NLGN1: variants seen among roughly 807,000 people sequenced by gnomAD.
The protein encoded by NLGN1 is neuroligin 1, also known as neuroligin-1.
Under a neutral mutation model 65.5 loss-of-function variants are expected in NLGN1, and 12 were observed. The ratio of observed to expected loss-of-function variants is 0.18; its 90% CI spans 0.12 to 0.30. NLGN1 has a LOEUF of 0.30. NLGN1 is among the 10% of genes least tolerant of loss of function. The pLI, the probability that NLGN1 is intolerant of heterozygous loss-of-function variation, is 1.00. For missense variants in NLGN1, 750 were observed against 1,007.1 expected (o/e 0.74, Z 3.46); for synonymous variants, 350 against 359.5 (o/e 0.97, Z 0.30).
At chr3:173,497,570 C>T (rs1730241752) in intron 2 of NLGN1, among the ~76,000 whole-genome samples, 1 of 151,564 alleles carries the variant, frequency 6.6e-6, no homozygotes, top group Non-Finnish European at 1.5e-5. Context: ...TTTAAGAGCA[C>T]ACTTTAAAAA....
intron 2 of NLGN1, among the ~76,000 whole-genome samples, chr3:173,453,120 G>A (rs1349713846): frequency 6.6e-6 from 1 of 151,260 alleles, no homozygotes; most frequent in Non-Finnish European, 1.5e-5. Context: ...TTTGAGAAAG[G>A]GTCTCATATT....
At chr3:173,549,540 T>C (rs897515947) in intron 2 of NLGN1, among the ~76,000 whole-genome samples, 3 of 151,992 alleles carry the variant, frequency 2.0e-5, no homozygotes, top group Non-Finnish European at 4.4e-5. Flanking sequence ...TCCATATTCC[T>C]GTGTTAATAA....
At chr3:173,845,606 G>GGATGGATAGATA (rs1553868651) in intron 4 of NLGN1, among the ~76,000 whole-genome samples, 3 of 147,044 alleles carry the variant, frequency 2.0e-5, no homozygotes, top group Admixed American at 1.4e-4. Flanking sequence ...GTAGGTGGAT[G>GGATGGATAGATA]GATAGATAGA....
rs187937976 is a variant in NLGN1, at chr3:173,956,655, C to T, written c.646+148823C>T. Reference sequence around the variant, plus strand: ...TGTATGGTTGAGTATTTCTGAAGTCCTAAATACACTTAAAGTTGTGGCTTT... The same window carrying T: ...TGTATGGTTGAGTATTTCTGAAGTCTTAAATACACTTAAAGTTGTGGCTTT... On this transcript the variant is annotated intron_variant, in intron 4 of 6. Transcript: ENST00000457714. Among the ~76,000 whole-genome samples, 5 of 152,208 alleles carry T rather than the reference C, an allele frequency of 3.3e-5. No homozygotes were observed. In the East Asian group the frequency reaches 9.7e-4, roughly 29 times the overall value.
chr3:173,885,113 C>A (rs552864738), intron 4 of NLGN1, among the ~76,000 whole-genome samples: 42 of 152,230 alleles, frequency 2.8e-4, no homozygotes, highest in African/African-American at 7.7e-4. Context: ...CCACAGAAAC[C>A]AAAATGGTAA....
At chr3:173,725,647 T>C (rs1214146029) in intron 3 of NLGN1, among the ~76,000 whole-genome samples, 1 of 152,216 alleles carries the variant, frequency 6.6e-6, no homozygotes. Flanking sequence ...AAGCGTGGCT[T>C]CTTAAAACCA....
chr3:173,633,067 G>C (rs2149550632), intron 3 of NLGN1, among the ~76,000 whole-genome samples: 1 of 152,044 alleles, frequency 6.6e-6, no homozygotes, highest in East Asian at 1.9e-4. Flanking sequence ...TCTGATAAAT[G>C]GGGGCCTAGA....
chr3:174,123,628 C>CCATTA (rs1718240977), intron 4 of NLGN1, among the ~76,000 whole-genome samples: 1 of 152,104 alleles, frequency 6.6e-6, no homozygotes, highest in South Asian at 2.1e-4. Context: ...ATTCCCGCTT[C>CCATTA]CATTACTGAA....
intron 4 of NLGN1, among the ~76,000 whole-genome samples, chr3:174,259,212 T>C (rs1010872485): frequency 3.9e-5 from 6 of 152,136 alleles, no homozygotes; most frequent in Admixed American, 3.9e-4. Context: ...CCAGACCTTA[T>C]CTTATATATT....
intron 2 of NLGN1, among the ~76,000 whole-genome samples, chr3:173,557,355 G>A (rs1455096164): frequency 4.6e-5 from 7 of 151,990 alleles, no homozygotes; most frequent in Non-Finnish European, 1.0e-4. Context: ...TATTTGAAGT[G>A]TGTCTCTTAT....
rs578003268 is a variant in NLGN1, at chr3:173,538,186, G to C, written c.-320-66093G>C. Reference sequence around the variant, plus strand: ...CTGGGAGAAACAGCACCATATATTGGATGCTGATTCAGACCGCATACAGCC... The same window carrying C: ...CTGGGAGAAACAGCACCATATATTGCATGCTGATTCAGACCGCATACAGCC... On this transcript the variant is annotated intron_variant, in intron 2 of 6. Transcript: ENST00000457714. Among the ~76,000 whole-genome samples, 5 of 152,258 alleles carry C rather than the reference G, an allele frequency of 3.3e-5. No individual in the cohort carries two copies. The East Asian group carries it at 9.7e-4, about 29-fold the overall frequency.
At chr3:173,829,144 A>G (rs184423012) in intron 4 of NLGN1, among the ~76,000 whole-genome samples, 35 of 152,134 alleles carry the variant, frequency 2.3e-4, no homozygotes, top group African/African-American at 8.0e-4. Flanking sequence ...GGAAGCAGTG[A>G]GAAGTAGTTT....
chr3:173,519,312 C>T (rs1032707001), intron 2 of NLGN1, among the ~76,000 whole-genome samples: 1 of 152,330 alleles, frequency 6.6e-6, no homozygotes, highest in East Asian at 1.9e-4. Flanking sequence ...CAGAGAGTCC[C>T]CATTGGGACA....
chr3:173,903,697 C>T (rs754025391), intron 4 of NLGN1, among the ~76,000 whole-genome samples: 9 of 152,032 alleles, frequency 5.9e-5, no homozygotes, highest in South Asian at 2.1e-4. Flanking sequence ...GGTATACCTG[C>T]GGGCAAGGAG....
intron 3 of NLGN1, among the ~76,000 whole-genome samples, chr3:173,803,211 A>G (rs1715843392): frequency 6.6e-6 from 1 of 152,222 alleles, no homozygotes; most frequent in South Asian, 2.1e-4. Flanking sequence ...AATGGTTCAA[A>G]GTAACATCCC....
intron 3 of NLGN1, among the ~76,000 whole-genome samples, chr3:173,732,722 T>C (rs1773045051): frequency 6.6e-6 from 1 of 152,150 alleles, no homozygotes; most frequent in South Asian, 2.1e-4. Context: ...TAAATTTTCA[T>C]TGTTGAAGAA....
intron 2 of NLGN1, among the ~76,000 whole-genome samples, chr3:173,601,382 C>G (rs1032297596): frequency 3.9e-5 from 6 of 152,000 alleles, no homozygotes; most frequent in Non-Finnish European, 5.9e-5. Context: ...TGATTAGTTG[C>G]TAGAATGAGC....
intron 2 of NLGN1, among the ~76,000 whole-genome samples, chr3:173,539,799 T>TATATACATATATATGTACATATATAC (rs1553879654): frequency 4.6e-5 from 2 of 43,910 alleles, no homozygotes; most frequent in African/African-American, 1.8e-4. Flanking sequence ...CATATATACA[T>TATATACATATATATGTACATATATAC]ATATATACAT....
chr3:173,697,438 G>C (rs1470036560), intron 3 of NLGN1, among the ~76,000 whole-genome samples: 1 of 152,008 alleles, frequency 6.6e-6, no homozygotes, highest in Non-Finnish European at 1.5e-5. Context: ...ATTTTTCATT[G>C]TCTGATTTTG....
Sources: gnomAD v4.1 joint callset for allele counts (sites outside exome capture counted in the v4.1 genomes callset) on GRCh38, gnomAD v4.1.1 for gene constraint, MANE v1.5 for transcripts, NCBI Gene and HGNC (gene_info 2026-07-23, HGNC 2026-07-21) for gene names.